The following DSG1 variants were observed in gnomAD, a reference collection of about 807,000 sequenced individuals.
DSG1 encodes the protein desmoglein-1.
In DSG1, 39 loss-of-function variants were observed where a neutral mutation model predicts 97.5. The ratio of observed to expected loss-of-function variants is 0.40; its 90% confidence interval spans 0.31 to 0.52. The LOEUF (loss-of-function observed/expected upper bound fraction) is 0.52. DSG1 is among the 20% of genes least tolerant of loss of function. The probability of loss-of-function intolerance (pLI) is 0.53; values close to 1 mark genes in which losing one functional copy is unlikely to be tolerated. For missense variants in DSG1, 1,311 were observed against 1,295.4 expected (o/e 1.01, Z -0.18); for synonymous variants, 475 against 443.4 (o/e 1.07, Z -0.90).
At chr18:31,347,439 A>T (rs531524882) in intron 14 of DSG1, among the ~76,000 whole-genome samples, 1 of 151,932 alleles carries the variant, frequency 6.6e-6, no homozygotes, top group Non-Finnish European at 1.5e-5. Context: ...TGTCTGTCTC[A>T]CTCACCCAAA....
In DSG1 at chr18:31,346,151, A is replaced by G. The variant is rs1488314231; in HGVS notation, c.2053A>G (p.Arg685Gly). 6 of 1,613,962 alleles carry G rather than the reference A, an allele frequency of 3.7e-6. No individual in the cohort carries two copies. Among genetic ancestry groups the G allele is most frequent in the Non-Finnish European group, 5.1e-6 (6 of 1,179,836 alleles). Reference sequence around the variant, plus strand: ...AAGAAGAAATTCTATGAGGGAATGTAGAGAAGGAGGTCTGAATATGAATTT... The same window carrying G: ...AAGAAGAAATTCTATGAGGGAATGTGGAGAAGGAGGTCTGAATATGAATTT... ...TLRRNSMREC[R>G]EGGLNMNFME... The change falls in exon 14 of 15, where the codon AGA becomes GGA. Residue 685 changes from arginine to glycine, a missense_variant. Around this residue, in one of 3 missense-constraint regions of DSG1, gnomAD observed 1,038 missense variants for 964.6 expected, o/e 1.08. Transcript: ENST00000257192.
At position 31,358,835 on chromosome 18, in the gene DSG1, T is replaced by C. The variant is rs2071979751; in HGVS notation, c.*3489T>C. Among the ~76,000 whole-genome samples, 1 of 151,990 alleles carries C rather than the reference T, an allele frequency of 6.6e-6. No homozygotes were observed. Among genetic ancestry groups the C allele is most frequent in the Admixed American group, 6.6e-5 (1 of 15,260 alleles). On this transcript the variant is annotated 3_prime_UTR_variant, in exon 15 of 15. Coordinates refer to ENST00000257192, the MANE Select transcript of DSG1 (RefSeq NM_001942.4). ...TAGGATACAGCAGTCCACAGTAGAG[T>C]GCTACTCTCCTTGAAATCAAATCTG...
At chr18:31,343,888 G>A in intron 12 of DSG1, 38 bp from the exon 13 acceptor site, 1 of 1,496,726 alleles carries the variant, frequency 6.7e-7, no homozygotes, top group East Asian at 2.3e-5. Flanking sequence ...TATAGTCATT[G>A]GTCACTACAA....
At chr18:31,352,903 C>A (rs2071912033) in intron 14 of DSG1, among the ~76,000 whole-genome samples, 2 of 121,286 alleles carry the variant, frequency 1.6e-5, no homozygotes, top group Non-Finnish European at 3.5e-5. Context: ...AACTTCTTTG[C>A]CTTTGGTTTG....
chr18:31,343,986 G>A lies in DSG1; in HGVS notation c.1882G>A (p.Asp628Asn). 1 of 1,611,052 alleles carries A rather than the reference G, an allele frequency of 6.2e-7. No homozygotes were observed. Among genetic ancestry groups the A allele is most frequent in the Non-Finnish European group, 8.5e-7 (1 of 1,177,566 alleles). The change falls in exon 13 of 15, where the codon GAC (aspartate) becomes AAC (asparagine). Residue 628 changes from aspartate (D) to asparagine (N), a missense_variant. Asp to Asn is a conservative substitution (Grantham distance 23, BLOSUM62 1). Around this residue, in one of 3 missense-constraint regions of DSG1, gnomAD observed 1,038 missense variants for 964.6 expected, o/e 1.08. Coordinates refer to ENST00000257192, the MANE Select transcript of DSG1 (RefSeq NM_001942.4). ...TAACGCAAATATAATTGAATGCATT[G>A]ACAACTCAGGTAAGAAAAAAGAATT... Reference protein sequence around the residue: ...PDNANIIECIDNSGVYTNEYG... With the variant: ...PDNANIIECINNSGVYTNEYG...
intron 11 of DSG1, among the ~76,000 whole-genome samples, chr18:31,341,334 T>C (rs10468901): frequency 0.67 from 101,560 of 152,212 alleles, 36,325 homozygotes; most frequent in African/African-American, 0.91. Flanking sequence ...AGAGCGCTTA[T>C]GTATAAAATA....
chr18:31,321,108 C>CA (rs34618267), intron 1 of DSG1, among the ~76,000 whole-genome samples: 218 of 133,906 alleles, frequency 1.6e-3, no homozygotes, highest in South Asian at 6.2e-3. Context: ...AACAAACAAA[C>CA]AAAAAAAAAC....
chr18:31,321,367 A>G (rs1276157682), intron 1 of DSG1, among the ~76,000 whole-genome samples: 1 of 152,092 alleles, frequency 6.6e-6, no homozygotes, highest in Non-Finnish European at 1.5e-5. Flanking sequence ...AGACAAGCAA[A>G]AGAGAGAGCT....
At chr18:31,318,592 A>C (rs2071634602) in intron 1 of DSG1, among the ~76,000 whole-genome samples, 1 of 152,164 alleles carries the variant, frequency 6.6e-6, no homozygotes, top group African/African-American at 2.4e-5. Flanking sequence ...AGTCATTGCT[A>C]AGTCATGCTG....
In DSG1 at chr18:31,336,430, T is replaced by C; in HGVS notation, c.1082T>C (p.Ile361Thr). Residue 361 changes from isoleucine to threonine, a missense_variant, in exon 9 of 15, where the codon ATT becomes ACT. Transcript: ENST00000257192. ...AATAAAGCTGAATTTCATCATTCAA[T>C]TATGTCTCAATATAAACTGAAAGCA... Reference protein sequence around the residue: ...VRNKAEFHHSIMSQYKLKASA... With the variant: ...VRNKAEFHHSTMSQYKLKASA... 6.2e-7 allele frequency: 1 copy of C among 1,613,970 alleles called. No individual in the cohort carries two copies. Among genetic ancestry groups the C allele is most frequent in the African/African-American group, 1.3e-5 (1 of 75,058 alleles).
At chr18:31,328,392 C>T in intron 4 of DSG1, 48 bp downstream of exon 4, 1 of 1,566,036 alleles carries the variant, frequency 6.4e-7, no homozygotes, top group Non-Finnish European at 8.8e-7. Flanking sequence ...AAATTCTTCT[C>T]AGAAGTTCTT....
In DSG1 at chr18:31,329,808, C is replaced by T. The variant is rs1371639028; in HGVS notation, c.373-84C>T. ...AGTAGACATAATAATTCTTTTAATT[C>T]GCCACAGTGCTAGCATAATGCTCAA... is the stretch of plus-strand genomic sequence containing the variant. On this transcript the variant is annotated intron_variant, in intron 4 of 14. Transcript: ENST00000257192. 8 of 1,500,916 alleles carry T rather than the reference C, an allele frequency of 5.3e-6. No individual in the cohort carries two copies. The East Asian group carries it at 6.8e-5, about 13-fold the overall frequency. The allele number at this position is 1,500,916 out of a possible 1,614,324, so 93.0% of individuals were successfully genotyped here. A position where few individuals can be genotyped will look rare whatever the true frequency, so the allele number is the denominator to read the frequency against.
rs1167393893 is a variant in DSG1, at chr18:31,328,169, T to C, written c.217-20T>C. The stretch of plus-strand genomic sequence containing the variant: ...CTCTATTTGCTCCCTCTAATATTTT[T>C]ACTTGTGTTCCTTCTGCAGATTCAC... On this transcript the variant is annotated intron_variant, in intron 3 of 14. Transcript: ENST00000257192. The C allele has an allele frequency of 1.2e-6, 2 of 1,612,792 alleles. No homozygotes were observed. Among genetic ancestry groups the C allele is most frequent in the Non-Finnish European group, 1.7e-6 (2 of 1,179,142 alleles).
chr18:31,321,184 G>A (rs1237627840), intron 1 of DSG1, among the ~76,000 whole-genome samples: 5 of 151,900 alleles, frequency 3.3e-5, no homozygotes, highest in African/African-American at 1.2e-4. Flanking sequence ...TGTAAAATAT[G>A]AGCAGGAGTT....
Position 31,326,624 on chromosome 18 carries a change from A to G in DSG1, c.84+8A>G. The G allele has an allele frequency of 6.2e-7, 1 of 1,600,110 alleles. No homozygotes were observed. The highest frequency in any genetic ancestry group is 8.6e-7 in the Non-Finnish European group (1 of 1,168,154). ...AGTGAATTCCGAATCCAGGTAATAT[A>G]TAACAAATCCATTTTTCCAAATTTT... is the stretch of plus-strand genomic sequence containing the variant. On this transcript the variant is annotated splice_region_variant and intron_variant, in intron 2 of 14. Transcript: ENST00000257192.
chr18:31,339,423 A>G (rs1207653769), intron 10 of DSG1, among the ~76,000 whole-genome samples: 8 of 152,068 alleles, frequency 5.3e-5, no homozygotes, highest in Admixed American at 3.9e-4. Context: ...GCTACCATGA[A>G]TTTGGTTTCT....
chr18:31,346,064 C>G lies in DSG1; in HGVS notation c.1966C>G (p.Leu656Val), dbSNP rs199611786. The change falls in exon 14 of 15, where the codon CTA becomes GTA. Residue 656 changes from leucine to valine, a missense_variant. Around this residue, in one of 3 missense-constraint regions of DSG1, gnomAD observed 1,038 missense variants for 964.6 expected, o/e 1.08. Coordinates refer to ENST00000257192, the MANE Select transcript of DSG1 (RefSeq NM_001942.4). ...GGGERMTGFELTEGVKTSGMP... is the reference protein window; with the variant it reads ...GGGERMTGFEVTEGVKTSGMP... ...AGGAGAGAGAATGACAGGATTTGAA[C>G]TAACAGAGGGAGTTAAAACTTCAGG... The G allele has an allele frequency of 6.2e-7, 1 of 1,613,778 alleles. No individual in the cohort carries two copies. The highest frequency in any genetic ancestry group is 8.5e-7 in the Non-Finnish European group (1 of 1,179,838).
chr18:31,341,026 G>A (rs1468153593), intron 11 of DSG1, among the ~76,000 whole-genome samples: 4 of 152,278 alleles, frequency 2.6e-5, no homozygotes, highest in Non-Finnish European at 4.4e-5. Context: ...CATTTAGCAT[G>A]TTCTATGGCC....
chr18:31,353,349 TG>T (rs2071918319), intron 14 of DSG1, among the ~76,000 whole-genome samples: 1 of 151,344 alleles, frequency 6.6e-6, no homozygotes, highest in Admixed American at 6.6e-5. Context: ...AGCTGCGTGC[TG>T]GGAGAACCAC....
Sources: allele counts gnomAD v4.1 joint callset (sites outside exome capture counted in the v4.1 genomes callset), GRCh38; gene constraint gnomAD v4.1.1; regional missense constraint gnomAD v4.1.1; transcripts MANE v1.5; gene names NCBI Gene and HGNC (gene_info 2026-07-23, HGNC 2026-07-21).